Variants in THSD7A observed in about 807,000 individuals in gnomAD.
THSD7A encodes thrombospondin type 1 domain containing 7A.
In THSD7A, 96 loss-of-function variants were observed where a neutral mutation model predicts 231.3. The ratio of observed to expected loss-of-function variants is 0.41; its 90% CI spans 0.35 to 0.49. THSD7A has a LOEUF of 0.49. Ranked by LOEUF, THSD7A falls within the 20% of genes least tolerant of loss-of-function variation. The pLI is 0.05. For synonymous variants in THSD7A, 940 were observed against 743.3 expected, an observed-to-expected ratio of 1.26 and a Z score of -4.30; for missense variants, 2,290 against 2,070.2, an observed-to-expected ratio of 1.11 and a Z score of -2.06.
At chr7:11,525,625 A>G (rs1427195586) in intron 6 of THSD7A, among the ~76,000 whole-genome samples, 1 of 152,160 alleles carries the variant, frequency 6.6e-6, no homozygotes, top group Non-Finnish European at 1.5e-5. Flanking sequence ...TGTAGTTGTC[A>G]GAAGTGTATA....
chr7:11,810,317 C>T (rs1784498131), intron 1 of THSD7A, among the ~76,000 whole-genome samples: 1 of 152,124 alleles, frequency 6.6e-6, no homozygotes, highest in Non-Finnish European at 1.5e-5. Context: ...TTTTGCACAT[C>T]CTTTGGAGGC....
intron 1 of THSD7A, among the ~76,000 whole-genome samples, chr7:11,705,603 G>A (rs890344208): frequency 1.3e-5 from 2 of 151,006 alleles, no homozygotes; most frequent in Admixed American, 1.3e-4. Context: ...GTGGAGGGAA[G>A]TAGGATTATT....
intron 1 of THSD7A, among the ~76,000 whole-genome samples, chr7:11,670,027 G>C (rs1783314364): frequency 1.3e-5 from 2 of 152,014 alleles, no homozygotes; most frequent in African/African-American, 2.4e-5. Context: ...ATATGTGTGT[G>C]CTACAAATAA....
chr7:11,548,887 A>G (rs111421624), intron 4 of THSD7A, among the ~76,000 whole-genome samples: 32 of 152,144 alleles, frequency 2.1e-4, no homozygotes, highest in African/African-American at 7.7e-4. Context: ...CACAACCAAT[A>G]TTATACCAAA....
intron 2 of THSD7A, among the ~76,000 whole-genome samples, chr7:11,594,935 T>TG (rs954594378): frequency 6.6e-5 from 10 of 152,300 alleles, no homozygotes; most frequent in South Asian, 2.1e-4. Context: ...TGCAGACGTG[T>TG]GGGGGGACCC....
intron 1 of THSD7A, among the ~76,000 whole-genome samples, chr7:11,671,150 T>C (rs78387466): frequency 6.6e-6 from 1 of 152,132 alleles, no homozygotes; most frequent in Non-Finnish European, 1.5e-5. Context: ...ACAGTGGAAA[T>C]GGAAAGTAGA....
At chr7:11,541,841 A>G (rs957390257) in intron 5 of THSD7A, among the ~76,000 whole-genome samples, 1 of 152,180 alleles carries the variant, frequency 6.6e-6, no homozygotes, top group Non-Finnish European at 1.5e-5. Context: ...GGAATGAAAA[A>G]AAATGAGAAC....
rs1404569557 is a variant in THSD7A at position 11,444,976 on chromosome 7, C to A, written c.3064+1085G>T. ...ATATGTATATATATATTAAATGAAA[C>A]TTCTTTGTAGTGAGATGTTTAAGAG... On this transcript the variant is annotated intron_variant, in intron 13 of 27. Coordinates refer to ENST00000423059, the MANE Select transcript of THSD7A (RefSeq NM_015204.3). The surrounding 1 kb of genome is among the most constrained non-coding windows in gnomAD (Gnocchi z 4.2). Among the ~76,000 whole-genome samples, 1 of 148,620 alleles carries A rather than the reference C, an allele frequency of 6.7e-6. No individual in the cohort carries two copies. The highest frequency in any genetic ancestry group is 2.5e-5 in the African/African-American group (1 of 40,610).
intron 7 of THSD7A, among the ~76,000 whole-genome samples, chr7:11,475,549 A>C (rs17555821): frequency 0.074 from 11,082 of 149,466 alleles, 545 homozygotes; most frequent in Non-Finnish European, 0.1. Context: ...AATCAGGGTT[A>C]TAAGTATATA....
intron 1 of THSD7A, among the ~76,000 whole-genome samples, chr7:11,711,917 T>C (rs1780978344): frequency 6.6e-6 from 1 of 151,062 alleles, no homozygotes; most frequent in South Asian, 2.1e-4. Context: ...AGATTTCTCC[T>C]ATTTGGATTT....
chr7:11,646,879 G>A (rs1035678816), intron 1 of THSD7A, among the ~76,000 whole-genome samples: 1 of 151,980 alleles, frequency 6.6e-6, no homozygotes, highest in African/African-American at 2.4e-5. Context: ...CATGGAGCAG[G>A]GCTAAGGCAC....
chr7:11,561,787 G>C (rs1438344512), intron 4 of THSD7A, among the ~76,000 whole-genome samples: 2 of 152,172 alleles, frequency 1.3e-5, no homozygotes, highest in East Asian at 3.9e-4. Flanking sequence ...GGGAGGCAGA[G>C]GTTGCAGTGA....
At chr7:11,795,341 AC>A (rs1289128151) in intron 1 of THSD7A, among the ~76,000 whole-genome samples, 1 of 148,282 alleles carries the variant, frequency 6.7e-6, no homozygotes, top group Non-Finnish European at 1.5e-5. Flanking sequence ...TATTCTTATA[AC>A]CCCGAGCTCT....
chr7:11,762,109 C>T (rs181124857), intron 1 of THSD7A, among the ~76,000 whole-genome samples: 2 of 152,242 alleles, frequency 1.3e-5, no homozygotes, highest in Non-Finnish European at 2.9e-5. Context: ...GCATAGTATT[C>T]CATGGTGTAT....
intron 1 of THSD7A, among the ~76,000 whole-genome samples, chr7:11,638,661 G>T (rs2128362009): frequency 6.6e-6 from 1 of 152,082 alleles, no homozygotes; most frequent in East Asian, 1.9e-4. Context: ...AATTATAAGG[G>T]ATGTAAAATG....
At chr7:11,476,229 C>T (rs1786169674) in intron 7 of THSD7A, among the ~76,000 whole-genome samples, 1 of 150,706 alleles carries the variant, frequency 6.6e-6, no homozygotes, top group South Asian at 2.1e-4. Context: ...TGAGACAATT[C>T]CTACAGTTTA....
At chr7:11,460,830 A>T (rs1785479983) in intron 10 of THSD7A, 65 bp from the exon 11 acceptor site, 1 of 1,300,200 alleles carries the variant, frequency 7.7e-7, no homozygotes, top group Non-Finnish European at 1.1e-6. Flanking sequence ...ACAGAGACAC[A>T]GCAGCATGGA....
intron 1 of THSD7A, among the ~76,000 whole-genome samples, chr7:11,790,721 A>T (rs972994243): frequency 6.6e-6 from 1 of 152,004 alleles, no homozygotes; most frequent in African/African-American, 2.4e-5. Flanking sequence ...AGTTATCCAT[A>T]TATAGGTACA....
chr7:11,615,812 G>GT (rs1262021386), intron 2 of THSD7A, among the ~76,000 whole-genome samples: 1 of 152,004 alleles, frequency 6.6e-6, no homozygotes, highest in Non-Finnish European at 1.5e-5. Context: ...CTCACACTGT[G>GT]TATTTTATCT....
Sources: gnomAD v4.1 joint callset for allele counts (sites outside exome capture counted in the v4.1 genomes callset) on GRCh38, gnomAD v4.1.1 for gene constraint, Gnocchi (gnomAD v3.1) non-coding constraint, MANE v1.5 for transcripts, NCBI Gene and HGNC (gene_info 2026-07-23, HGNC 2026-07-21) for gene names.